Variants in IKZF5 observed in about 807,000 individuals in gnomAD.
IKZF5 encodes IKAROS family zinc finger 5, also known as zinc finger protein Pegasus.
IKZF5 carries 4 observed loss-of-function variants against 30.7 expected under a neutral mutation model. That is an observed-to-expected ratio of 0.13 (90% CI 0.06 to 0.30). IKZF5 has a LOEUF of 0.30. IKZF5 is among the 10% of genes least tolerant of loss of function. IKZF5 has a pLI of 1.00. For missense variants in IKZF5, 348 were observed against 525.5 expected (o/e 0.66, Z 3.30); for synonymous variants, 148 against 179.6 (o/e 0.82, Z 1.41).
At chr10:122,996,971 C>G (rs191812957) in intron 3 of IKZF5, 1 of 152,336 alleles carries the variant, frequency 6.6e-6, no homozygotes, top group Non-Finnish European at 1.5e-5. Flanking sequence ...TTCTAGATCT[C>G]TGTTCCATTT....
chr10:123,006,322 T>C (rs1589724860), intron 2 of IKZF5, among the ~76,000 whole-genome samples: 1 of 152,334 alleles, frequency 6.6e-6, no homozygotes, highest in East Asian at 1.9e-4. Context: ...GTCTGATCTT[T>C]CTTCTTCAGT....
chr10:122,998,043 C>G (rs1043957887), intron 3 of IKZF5, among the ~76,000 whole-genome samples: 12 of 152,176 alleles, frequency 7.9e-5, no homozygotes, highest in African/African-American at 2.9e-4. Flanking sequence ...TCAAGGAGGT[C>G]ACCACTTTCT....
At position 122,993,793 on chromosome 10, in the gene IKZF5, T is replaced by A. The variant is rs780490982; in HGVS notation, c.1247A>T (p.His416Leu). ...DFACHFARGQ[H>L]NQH ...GACTATTTTCAATCAATGTTGGTTA[T>A]GTTGCCCTCTTGCAAAATGACAGGC... The change falls in exon 5 of 5, where the codon CAT (histidine) becomes CTT (leucine). Residue 416 changes from histidine to leucine, a missense_variant. Coordinates refer to ENST00000368886, the MANE Select transcript of IKZF5 (RefSeq NM_001372123.1). 1 of 1,598,992 alleles carries A rather than the reference T, an allele frequency of 6.3e-7. No individual in the cohort carries two copies. The highest frequency in any genetic ancestry group is 1.1e-5 in the South Asian group (1 of 89,634).
chr10:122,994,000 TG>T lies in IKZF5; in HGVS notation c.1039del (p.Gln347SerfsTer75). 2 of 1,614,124 alleles carry T rather than the reference TG, an allele frequency of 1.2e-6. No individual in the cohort carries two copies. Among genetic ancestry groups the T allele is most frequent in the Non-Finnish European group, 1.7e-6 (2 of 1,180,028 alleles). ...CAGGGCTGGGGCTGGGGTGCTTGGCTGGCTGTTTCCTATGCTGGGAGTGCTC... is the reference window on the plus strand; with the variant it reads ...CAGGGCTGGGGCTGGGGTGCTTGGCTGCTGTTTCCTATGCTGGGAGTGCTC... ...HTSTPSIGNSQPSTPAPALPV... is the reference protein window; with the variant it reads ...HTSTPSIGNSXPSTPAPALPV... On this transcript the variant is annotated frameshift_variant, in exon 5 of 5. Coordinates refer to ENST00000368886, the MANE Select transcript of IKZF5 (RefSeq NM_001372123.1). LOFTEE classifies it high-confidence loss of function.
intron 4 of IKZF5, chr10:122,995,038 C>A: frequency 3.9e-6 from 1 of 254,972 alleles, no homozygotes; most frequent in Non-Finnish European, 7.4e-6. Context: ...AATAGTCTTA[C>A]ATAATAATGA....
intron 1 of IKZF5, 92 bp downstream of exon 1, chr10:123,008,602 G>C: frequency 3.5e-6 from 1 of 284,672 alleles, no homozygotes; most frequent in South Asian, 3.3e-5. Context: ...CAGCCGGCCC[G>C]CCACGAACCC....
intron 3 of IKZF5, chr10:122,998,098 T>C (rs1849446642): frequency 6.5e-6 from 1 of 154,088 alleles, no homozygotes; most frequent in African/African-American, 2.4e-5. Context: ...GGTCAGCCCT[T>C]TCTTCATTTT....
At chr10:122,998,934 A>G (rs1004777320) in intron 2 of IKZF5, among the ~76,000 whole-genome samples, 4 of 152,216 alleles carry the variant, frequency 2.6e-5, no homozygotes, top group African/African-American at 9.6e-5. Context: ...AAACAAGTTC[A>G]GATTAAATAA....
chr10:123,002,786 T>TAAA (rs371495279), intron 2 of IKZF5, among the ~76,000 whole-genome samples: 5 of 117,076 alleles, frequency 4.3e-5, no homozygotes, highest in Admixed American at 8.9e-5. Context: ...AGACTCCGTC[T>TAAA]AAAAAAAAAA....
In IKZF5 at chr10:122,991,367, A is replaced by G. The variant is rs1294557346; in HGVS notation, c.*2413T>C. On this transcript the variant is annotated 3_prime_UTR_variant, in exon 5 of 5. Transcript: ENST00000368886. ...ATTAGTGGAGATAAATTATCTACCA[A>G]CTTTAAAAATCTAAACTTATGTTCA... 6.6e-6 allele frequency: 1 copy of G among 152,238 alleles called. No homozygotes were observed. Among genetic ancestry groups the G allele is most frequent in the Non-Finnish European group, 1.5e-5 (1 of 68,018 alleles). The allele number at this position is 152,238 out of a possible 1,614,324, so 9.4% of individuals were successfully genotyped here. A position where few individuals can be genotyped will look rare whatever the true frequency, so the allele number is the denominator to read the frequency against.
Position 122,993,665 on chromosome 10 carries a change from ATATAATG to A in IKZF5, c.*108_*114del. ...CCACTGACAAATTTATATTCTATAA[ATATAATG>A]TATAAGCCTTGAATTAGCAGACACT... On this transcript the variant is annotated 3_prime_UTR_variant, in exon 5 of 5. Coordinates refer to ENST00000368886, the MANE Select transcript of IKZF5 (RefSeq NM_001372123.1). 1.7e-6 allele frequency: 1 copy of A among 596,214 alleles called. No homozygotes were observed. Among genetic ancestry groups the A allele is most frequent in the Non-Finnish European group, 2.8e-6 (1 of 355,918 alleles). 36.9% of individuals were successfully genotyped at this position (596,214 alleles called of 1,614,324 possible).
chr10:123,004,242 C>T (rs1269329097), intron 2 of IKZF5, among the ~76,000 whole-genome samples: 1 of 151,880 alleles, frequency 6.6e-6, no homozygotes, highest in Admixed American at 6.6e-5. Context: ...GAAAGAAATC[C>T]CAGTATTTAC....
At chr10:123,004,631 A>AG (rs1849717337) in intron 2 of IKZF5, among the ~76,000 whole-genome samples, 1 of 150,418 alleles carries the variant, frequency 6.6e-6, no homozygotes, top group South Asian at 2.1e-4. Context: ...GATAAACTTA[A>AG]AAAAAAAAAA....
chr10:123,002,380 C>T (rs898419342), intron 2 of IKZF5, among the ~76,000 whole-genome samples: 5 of 151,452 alleles, frequency 3.3e-5, no homozygotes, highest in Admixed American at 1.3e-4. Flanking sequence ...ATTAGCCGGG[C>T]ATGGCAGCAG....
intron 2 of IKZF5, among the ~76,000 whole-genome samples, chr10:123,004,470 C>T (rs939699007): frequency 1.3e-5 from 2 of 151,958 alleles, no homozygotes; most frequent in African/African-American, 4.8e-5. Context: ...TATTTTTATA[C>T]ATGCATCTCA....
At position 122,994,106 on chromosome 10, in the gene IKZF5, T is replaced by C. The variant is rs1483213426; in HGVS notation, c.934A>G (p.Ser312Gly). 1.9e-6 allele frequency: 3 copies of C among 1,614,106 alleles called. No individual in the cohort carries two copies. The highest frequency in any genetic ancestry group is 3.3e-5 in the Admixed American group (2 of 60,014). The change falls in exon 5 of 5, where the codon AGC (serine) becomes GGC (glycine). Residue 312 changes from serine to glycine, a missense_variant. Ser to Gly is a moderately conservative substitution (Grantham distance 56). Around this residue, in one of 4 missense-constraint regions of IKZF5, gnomAD observed 176 missense variants for 198.2 expected, o/e 0.89. Transcript: ENST00000368886. The surrounding 1 kb of genome is among the most constrained non-coding windows in gnomAD (Gnocchi z 5.6). ...ASIPQSSSPT[S>G]PEPRPSHSQR... is the part of the protein sequence containing the mutation. The stretch of plus-strand genomic sequence containing the variant: ...CTATGGGATGGCCGAGGTTCTGGGC[T>C]TGTGGGAGAGGAGCTCTGAGGAATA...
rs1849469107 is a variant in IKZF5 at position 122,998,516 on chromosome 10, T to C, written c.110A>G (p.Lys37Arg). 1.9e-6 allele frequency: 3 copies of C among 1,612,874 alleles called. No individual in the cohort carries two copies. Among genetic ancestry groups the C allele is most frequent in the South Asian group, 2.2e-5 (2 of 90,834 alleles). Residue 37 changes from lysine to arginine, a missense_variant, in exon 3 of 5, where the codon AAA (lysine) becomes AGA (arginine). Around this residue, in one of 4 missense-constraint regions of IKZF5, gnomAD observed 80 missense variants for 93.2 expected, o/e 0.86. Transcript: ENST00000368886. ...ACCTCCCTGAAGAGCCTCTGCTTCT[T>C]TGTCCCCACTAACTGATCCAGAAAT... ...NMISGSVSGDKEAEALQGAGT... is the reference protein window; with the variant it reads ...NMISGSVSGDREAEALQGAGT...
rs759193688 is a variant in IKZF5, at chr10:122,994,312, G to A, written c.728C>T (p.Pro243Leu). 12 of 1,614,014 alleles carry A rather than the reference G, an allele frequency of 7.4e-6. No homozygotes were observed. Among genetic ancestry groups the A allele is most frequent in the African/African-American group, 1.3e-5 (1 of 74,990 alleles). The change falls in exon 5 of 5, where the codon CCC becomes CTC. Residue 243 changes from proline (P) to leucine (L), a missense_variant. This residue lies in a region of IKZF5 where 176 missense variants were observed against 198.2 expected (regional missense o/e 0.89). Coordinates refer to ENST00000368886, the MANE Select transcript of IKZF5 (RefSeq NM_001372123.1). This position sits in a 1 kb window ranked among gnomAD's most constrained non-coding sequence, Gnocchi z 5.6. ...AGGGTTATCAACCATGAGTTCTTGG[G>A]GGTCCCTTGGAAGGCCACCAGTTGG... ...TTPTGGLPRD[P>L]QELMVDNPLN...
chr10:122,994,934 T>C lies in IKZF5; in HGVS notation c.317-211A>G, dbSNP rs1025548109. On this transcript the variant is annotated intron_variant, in intron 4 of 4. Transcript: ENST00000368886. This position sits in a 1 kb window ranked among gnomAD's most constrained non-coding sequence, Gnocchi z 5.6. ...AACTCATCAGCAACAACCTGAAATA[T>C]GCATTGATGTTGTATTAGTCAATAC... 3.6e-6 allele frequency: 2 copies of C among 557,384 alleles called. No homozygotes were observed. Among genetic ancestry groups the C allele is most frequent in the Non-Finnish European group, 6.3e-6 (2 of 317,814 alleles). 34.5% of individuals were successfully genotyped at this position (557,384 alleles called of 1,614,324 possible). A position where few individuals can be genotyped will look rare whatever the true frequency, so the allele number is the denominator to read the frequency against.
Sources: allele counts gnomAD v4.1 joint callset (sites outside exome capture counted in the v4.1 genomes callset), GRCh38; gene constraint gnomAD v4.1.1; regional missense constraint gnomAD v4.1.1; non-coding constraint Gnocchi (gnomAD v3.1); transcripts MANE v1.5; gene names NCBI Gene and HGNC (gene_info 2026-07-23, HGNC 2026-07-21).